Variants in AFDN observed in about 807,000 individuals in gnomAD.
AFDN encodes the protein afadin.
A neutral mutation model predicts 216.6 loss-of-function variants in AFDN; 68 were observed. The observed-to-expected ratio is 0.31, with a 90% CI of 0.26 to 0.38. The LOEUF (loss-of-function observed/expected upper bound fraction) is 0.38, where lower values mean the gene tolerates loss of function less well. AFDN is among the 10% of genes least tolerant of loss of function. The probability of loss-of-function intolerance (pLI) is 1.00; values close to 1 mark genes in which losing one functional copy is unlikely to be tolerated. For missense variants in AFDN, 2,136 were observed against 2,342.0 expected (o/e 0.91, Z 1.82); for synonymous variants, 868 against 853.7 (o/e 1.02, Z -0.29).
chr6:167,849,897 T>A (rs1782108681), intron 1 of AFDN, among the ~76,000 whole-genome samples: 1 of 152,216 alleles, frequency 6.6e-6, no homozygotes, highest in South Asian at 2.1e-4. Context: ...TTTTGTAAGT[T>A]ACTACTGATA....
rs759627198 is a variant in AFDN at position 167,864,637 on chromosome 6, T to C, written c.192T>C (p.Ser64=). 6.2e-7 allele frequency: 1 copy of C among 1,614,228 alleles called. No individual in the cohort carries two copies. The highest frequency in any genetic ancestry group is 2.2e-5 in the East Asian group (1 of 44,888). Residue 64 remains serine, a synonymous_variant, in exon 2 of 34, where the codon AGT becomes AGC. Coordinates refer to ENST00000683244, the MANE Select transcript of AFDN (RefSeq NM_001386888.1). ...CAACAAAATGTATTCGGGTCTCTAG[T>C]ACTGCCACCACTCAAGATGTAATCG... ...NFATKCIRVS[S]TATTQDVIET...
chr6:167,886,520 T>C (rs1251705196), intron 6 of AFDN, among the ~76,000 whole-genome samples: 1 of 152,096 alleles, frequency 6.6e-6, no homozygotes, highest in Non-Finnish European at 1.5e-5. Context: ...TTACTTGAAG[T>C]GCAAGAGAGC....
intron 21 of AFDN, among the ~76,000 whole-genome samples, chr6:167,921,134 G>A (rs1562676792): frequency 6.6e-6 from 1 of 152,226 alleles, no homozygotes; most frequent in African/African-American, 2.4e-5. Flanking sequence ...AAATAAGCAT[G>A]TAAGGTGACT....
intron 30 of AFDN, among the ~76,000 whole-genome samples, chr6:167,955,197 A>G (rs1173034238): frequency 6.6e-6 from 1 of 152,228 alleles, no homozygotes; most frequent in East Asian, 1.9e-4. Flanking sequence ...ATTCTAGTCA[A>G]CTTATAAAGA....
At chr6:167,929,703 G>T (rs1417212882) in intron 23 of AFDN, among the ~76,000 whole-genome samples, 1 of 152,226 alleles carries the variant, frequency 6.6e-6, no homozygotes, top group African/African-American at 2.4e-5. Context: ...AAGAGGTAGA[G>T]AGTGGCTGGA....
chr6:167,833,873 A>G (rs182527905), intron 1 of AFDN, among the ~76,000 whole-genome samples: 1 of 152,314 alleles, frequency 6.6e-6, no homozygotes, highest in African/African-American at 2.4e-5. Context: ...TAGATTGAGG[A>G]CATATCTTTC....
In AFDN at chr6:167,872,270, C is replaced by A; in HGVS notation, c.471C>A (p.Phe157Leu). 6.2e-7 allele frequency: 1 copy of A among 1,613,436 alleles called. No homozygotes were observed. The highest frequency in any genetic ancestry group is 8.5e-7 in the Non-Finnish European group (1 of 1,179,832). ...KQEKEGVIQN[F>L]KRTLSKKEKK... The stretch of plus-strand genomic sequence containing the variant: ...AAAAAGAAGGGGTTATCCAGAACTT[C>A]AAGAGAACTCTCTCAAAGAAAGAAA... Residue 157 changes from phenylalanine (F) to leucine (L), a missense_variant, in exon 4 of 34, where the codon TTC becomes TTA. Physicochemically the swap from Phe to Leu is conservative, Grantham distance 22. Transcript: ENST00000683244.
intron 1 of AFDN, among the ~76,000 whole-genome samples, chr6:167,861,448 C>T (rs898718574): frequency 1.6e-4 from 25 of 152,200 alleles, no homozygotes; most frequent in African/African-American, 6.0e-4. Flanking sequence ...CTGATGAGGA[C>T]ACCAGTATCT....
chr6:167,833,520 C>A (rs1780055190), intron 1 of AFDN, among the ~76,000 whole-genome samples: 1 of 152,178 alleles, frequency 6.6e-6, no homozygotes, highest in Non-Finnish European at 1.5e-5. Context: ...CTGCTCTTTG[C>A]AGACTTAAAA....
chr6:167,922,881 A>G lies in AFDN; in HGVS notation c.2934A>G (p.Thr978=). 1 of 1,613,034 alleles carries G rather than the reference A, an allele frequency of 6.2e-7. No individual in the cohort carries two copies. Among genetic ancestry groups the G allele is most frequent in the Non-Finnish European group, 8.5e-7 (1 of 1,179,576 alleles). ...GATTTTGCAGGTTAATTCCTCACAC[A>G]CGTTCACCAGGTACTTGGACAATAT... ...QRGFCRLIPH[T]RSPGTWTIYF... The change falls in exon 22 of 34, where the codon ACA becomes ACG. Residue 978 remains threonine (T), a synonymous_variant. Coordinates refer to ENST00000683244, the MANE Select transcript of AFDN (RefSeq NM_001386888.1).
In AFDN at chr6:167,907,304, A is replaced by G. The variant is rs750571019; in HGVS notation, c.1769+15A>G. On this transcript the variant is annotated intron_variant, in intron 13 of 33. Coordinates refer to ENST00000683244, the MANE Select transcript of AFDN (RefSeq NM_001386888.1). ...CAAGAAAGCAGGTAGGAAACACATC[A>G]TTTTTCAATGGTGAAAGTACTGAAA... 7 of 1,584,294 alleles carry G rather than the reference A, an allele frequency of 4.4e-6. No homozygotes were observed. Among genetic ancestry groups the G allele is most frequent in the Non-Finnish European group, 3.5e-6 (4 of 1,153,178 alleles).
intron 30 of AFDN, among the ~76,000 whole-genome samples, chr6:167,953,893 C>G (rs1796251795): frequency 6.6e-6 from 1 of 152,200 alleles, no homozygotes; most frequent in South Asian, 2.1e-4. Context: ...ATTTTCAACT[C>G]TGAATATACA....
intron 1 of AFDN, among the ~76,000 whole-genome samples, chr6:167,857,408 G>C (rs1562561183): frequency 6.6e-6 from 1 of 152,078 alleles, no homozygotes; most frequent in African/African-American, 2.4e-5. Flanking sequence ...CAGTTGATTA[G>C]TTGTACTCAA....
At chr6:167,943,713 A>G (rs184650657) in intron 25 of AFDN, among the ~76,000 whole-genome samples, 1 of 152,328 alleles carries the variant, frequency 6.6e-6, no homozygotes, top group Admixed American at 6.5e-5. Flanking sequence ...TCTGAATATT[A>G]TCTTACTATT....
chr6:167,863,782 A>G, intron 1 of AFDN: 1 of 518,868 alleles, frequency 1.9e-6, no homozygotes, highest in South Asian at 1.4e-5. Flanking sequence ...CTGGAATACC[A>G]ATGTGCTTTT....
chr6:167,917,230 A>G lies in AFDN; in HGVS notation c.2707A>G (p.Thr903Ala), dbSNP rs764637252. 6.3e-6 allele frequency: 10 copies of G among 1,587,752 alleles called. No homozygotes were observed. The highest frequency in any genetic ancestry group is 2.3e-5 in the South Asian group (2 of 85,572). ...HCAPDEPFIP[T>A]DLIENVVTVA... ...TGCACCTGATGAGCCTTTTATCCCA[A>G]CGGTGAGTGGATGTTGCCACATTAC... is the stretch of plus-strand genomic sequence containing the variant. The change falls in exon 20 of 34, where the codon ACG (threonine) becomes GCG (alanine). Residue 903 changes from threonine (T) to alanine (A), a missense_variant and splice_region_variant. Physicochemically the swap from Thr to Ala is moderately conservative, Grantham distance 58 (BLOSUM62 0). Transcript: ENST00000683244.
Position 167,951,795 on chromosome 6 carries a change from CAG to C in AFDN, c.4442_4443del (p.Gln1481ArgfsTer106). ...PEKPSTLQRPQETVIRELQPQ... is the reference protein window; with the variant it reads ...PEKPSTLQRPXETVIRELQPQ... ...AAAGCCTTCCACACTCCAGCGGCCA[CAG>C]GAAACAGTCATTCGGGAGCTGCAGC... is the stretch of plus-strand genomic sequence containing the variant. On this transcript the variant is annotated frameshift_variant, in exon 30 of 34. Transcript: ENST00000683244. LOFTEE classifies it high-confidence loss of function. This position sits in a 1 kb window ranked among gnomAD's most constrained non-coding sequence, Gnocchi z 7.1. 1 of 1,614,180 alleles carries C rather than the reference CAG, an allele frequency of 6.2e-7. No individual in the cohort carries two copies. The highest frequency in any genetic ancestry group is 8.5e-7 in the Non-Finnish European group (1 of 1,180,032).
intron 32 of AFDN, among the ~76,000 whole-genome samples, chr6:167,967,898 C>T (rs2128774499): frequency 6.6e-6 from 1 of 152,236 alleles, no homozygotes. Flanking sequence ...ATGGACTGGG[C>T]TTCTTCCACT....
chr6:167,951,816 C>T lies in AFDN; in HGVS notation c.4462C>T (p.Leu1488=). Residue 1488 remains leucine (L), a synonymous_variant, in exon 30 of 34, where the codon CTG becomes TTG. Coordinates refer to ENST00000683244, the MANE Select transcript of AFDN (RefSeq NM_001386888.1). This position sits in a 1 kb window ranked among gnomAD's most constrained non-coding sequence, Gnocchi z 7.1. The part of the protein sequence containing the change: ...QRPQETVIRE[L]QPQQQPRTIE... Reference sequence around the variant, plus strand: ...GCCACAGGAAACAGTCATTCGGGAGCTGCAGCCTCAGCAGCAGCCCCGCAC... The same window carrying T: ...GCCACAGGAAACAGTCATTCGGGAGTTGCAGCCTCAGCAGCAGCCCCGCAC... 1 of 1,614,194 alleles carries T rather than the reference C, an allele frequency of 6.2e-7. No homozygotes were observed. The highest frequency in any genetic ancestry group is 8.5e-7 in the Non-Finnish European group (1 of 1,180,038).
Sources: gnomAD v4.1 joint callset for allele counts (sites outside exome capture counted in the v4.1 genomes callset) on GRCh38, gnomAD v4.1.1 for gene constraint, Gnocchi (gnomAD v3.1) non-coding constraint, MANE v1.5 for transcripts, NCBI Gene and HGNC (gene_info 2026-07-23, HGNC 2026-07-21) for gene names.